PCDHGA12: variants seen among roughly 807,000 people sequenced by gnomAD.
PCDHGA12 encodes protocadherin gamma subfamily A, 12.
PCDHGA12 carries 43 observed loss-of-function variants against 61.1 expected under a neutral mutation model. The observed-to-expected ratio is 0.70, with a 90% confidence interval of 0.55 to 0.91. PCDHGA12 has a LOEUF of 0.91. Among genes scored for constraint, PCDHGA12 ranks in the 40% least tolerant of loss-of-function variants. PCDHGA12 has a pLI of 0.00. For synonymous variants in PCDHGA12, 520 were observed against 542.9 expected (o/e 0.96, Z 0.59); for missense variants, 1,236 against 1,227.7 (o/e 1.01, Z -0.10).
Position 141,477,197 on chromosome 5 carries a change from G to C in PCDHGA12, c.2425-17610G>C, listed in dbSNP as rs781504885. 6.2e-7 allele frequency: 1 copy of C among 1,614,210 alleles called. No homozygotes were observed. Among genetic ancestry groups the C allele is most frequent in the South Asian group, 1.1e-5 (1 of 91,082 alleles). On this transcript the variant is annotated intron_variant, in intron 1 of 3. Transcript: ENST00000252085. The surrounding 1 kb of genome is among the most constrained non-coding windows in gnomAD (Gnocchi z 4.9). ...CACAGTCACCTCCGTGTACAGCCCA[G>C]TACCCGAGGATGCCCCTCTGGGGAC...
At chr5:141,438,741 A>T (rs1184994731) in intron 1 of PCDHGA12, among the ~76,000 whole-genome samples, 3 of 148,914 alleles carry the variant, frequency 2.0e-5, no homozygotes, top group South Asian at 2.1e-4. Context: ...AGCTCACTGC[A>T]ACCTCTGCCT....
rs2099694486 is a variant in PCDHGA12 at position 141,489,987 on chromosome 5, G to A, written c.2425-4820G>A. The A allele has an allele frequency of 1.2e-6, 2 of 1,614,106 alleles. No homozygotes were observed. The highest frequency in any genetic ancestry group is 1.3e-5 in the African/African-American group (1 of 74,932). The stretch of plus-strand genomic sequence containing the variant: ...CCTTCCAATCCTCAGTTCTACGTGT[G>A]GGAATCCCAGAGAATGCACCCATTG... On this transcript the variant is annotated intron_variant, in intron 1 of 3. Coordinates refer to ENST00000252085, the MANE Select transcript of PCDHGA12 (RefSeq NM_003735.3). The surrounding 1 kb of genome is among the most constrained non-coding windows in gnomAD (Gnocchi z 4.5).
chr5:141,431,150 CCTTA>C lies in PCDHGA12; in HGVS notation c.395_398del (p.Tyr132PhefsTer6), dbSNP rs1302288904. ...AGTAAGGGACATTAACGACAATGCG[CCTTA>C]CTTTCGTGAAAGTGAATTAGAAATA... On this transcript the variant is annotated frameshift_variant, in exon 1 of 4. Coordinates refer to ENST00000252085, the MANE Select transcript of PCDHGA12 (RefSeq NM_003735.3). LOFTEE classifies it high-confidence loss of function. The surrounding 1 kb of genome is among the most constrained non-coding windows in gnomAD (Gnocchi z 4.8). 3 of 1,614,226 alleles carry C rather than the reference CCTTA, an allele frequency of 1.9e-6. No individual in the cohort carries two copies. The highest frequency in any genetic ancestry group is 2.2e-5 in the East Asian group (1 of 44,876).
At chr5:141,505,323 G>C in intron 2 of PCDHGA12, 70 bp from the exon 3 acceptor site, 1 of 1,606,758 alleles carries the variant, frequency 6.2e-7, no homozygotes, top group South Asian at 1.1e-5. Flanking sequence ...GGGAGCCCTG[G>C]GAGAGGACAG....
At chr5:141,496,799 G>C (rs2099771487) in intron 2 of PCDHGA12, among the ~76,000 whole-genome samples, 1 of 151,912 alleles carries the variant, frequency 6.6e-6, no homozygotes, top group African/African-American at 2.4e-5. Context: ...TAAACATTGG[G>C]CTATAGGAGT....
chr5:141,431,053 G>A lies in PCDHGA12; in HGVS notation c.294G>A (p.Gly98=), dbSNP rs1208370015. Residue 98 remains glycine (G), a synonymous_variant, in exon 1 of 4, where the codon GGG becomes GGA. Coordinates refer to ENST00000252085, the MANE Select transcript of PCDHGA12 (RefSeq NM_003735.3). This position sits in a 1 kb window ranked among gnomAD's most constrained non-coding sequence, Gnocchi z 4.8. ...TAGACCGGGAGGAGCTCTGTATGGG[G>A]GCCATCAAGTGTCAATTAAATCTAG... ...GRIDREELCM[G]AIKCQLNLDI... 1 of 1,614,174 alleles carries A rather than the reference G, an allele frequency of 6.2e-7. No homozygotes were observed. Among genetic ancestry groups the A allele is most frequent in the Admixed American group, 1.7e-5 (1 of 60,030 alleles).
intron 1 of PCDHGA12, among the ~76,000 whole-genome samples, chr5:141,454,829 A>T (rs2098803417): frequency 1.4e-5 from 1 of 70,192 alleles, no homozygotes. Context: ...TTTTTTTGAG[A>T]CAGAGTCGCG....
At chr5:141,441,962 G>A in intron 1 of PCDHGA12, 1 of 313,768 alleles carries the variant, frequency 3.2e-6, no homozygotes, top group Admixed American at 4.1e-5. Context: ...AGCAAGCCCA[G>A]GCTCTTCAGC....
At chr5:141,442,837 A>C (rs2098346617) in intron 1 of PCDHGA12, among the ~76,000 whole-genome samples, 1 of 152,202 alleles carries the variant, frequency 6.6e-6, no homozygotes, top group South Asian at 2.1e-4. Flanking sequence ...GGGAGGGACA[A>C]ATCTTGGCCA....
chr5:141,476,926 T>G lies in PCDHGA12; in HGVS notation c.2425-17881T>G, dbSNP rs779017502. ...GCGTGGTACAAGTCCTTGCAACGGA[T>G]CTGGATGAAGGCCCCAACGGTGAAA... is the stretch of plus-strand genomic sequence containing the variant. On this transcript the variant is annotated intron_variant, in intron 1 of 3. Coordinates refer to ENST00000252085, the MANE Select transcript of PCDHGA12 (RefSeq NM_003735.3). The surrounding 1 kb of genome is among the most constrained non-coding windows in gnomAD (Gnocchi z 7.6). 1 of 1,614,072 alleles carries G rather than the reference T, an allele frequency of 6.2e-7. No homozygotes were observed. The highest frequency in any genetic ancestry group is 1.1e-5 in the South Asian group (1 of 91,092).
intron 1 of PCDHGA12, among the ~76,000 whole-genome samples, chr5:141,474,000 C>T (rs2099336161): frequency 6.6e-6 from 1 of 152,076 alleles, no homozygotes. Context: ...GCCCAAGGAG[C>T]TGGAAGTTAC....
chr5:141,481,200 T>A (rs977235584), intron 1 of PCDHGA12, among the ~76,000 whole-genome samples: 2 of 152,178 alleles, frequency 1.3e-5, no homozygotes, highest in Non-Finnish European at 2.9e-5. Flanking sequence ...CCAATTTTTT[T>A]AAAAAACATG....
chr5:141,433,643 C>A (rs899772934), intron 1 of PCDHGA12, among the ~76,000 whole-genome samples: 13 of 152,070 alleles, frequency 8.5e-5, no homozygotes, highest in African/African-American at 2.7e-4. Context: ...TGAGACCAGC[C>A]TGACCAACAT....
chr5:141,486,844 C>T lies in PCDHGA12; in HGVS notation c.2425-7963C>T, dbSNP rs150549306. The T allele has an allele frequency of 1.1e-5, 17 of 1,614,220 alleles. No homozygotes were observed. The highest frequency in any genetic ancestry group is 1.4e-5 in the Non-Finnish European group (16 of 1,180,026). ...TAACAGTTCGTCTATTTGTGCTGGACCTCAATGACAATGCTCCAGCTGTGC... is the reference window on the plus strand; with the variant it reads ...TAACAGTTCGTCTATTTGTGCTGGATCTCAATGACAATGCTCCAGCTGTGC... On this transcript the variant is annotated intron_variant, in intron 1 of 3. Transcript: ENST00000252085. The surrounding 1 kb of genome is among the most constrained non-coding windows in gnomAD (Gnocchi z 5.0).
chr5:141,475,297 T>C lies in PCDHGA12; in HGVS notation c.2425-19510T>C, dbSNP rs187277570. Among the ~76,000 whole-genome samples the C allele has an allele frequency of 6.5e-4, 99 of 152,360 alleles. 2 individuals are homozygous for C. Among genetic ancestry groups the C allele is most frequent in the African/African-American group, 2.3e-3 (96 of 41,586 alleles). ...TGAAAGACAGGGTAGGGAAATTTCT[T>C]ATTGCTCCCTGGTTCTTAAGAAATG... On this transcript the variant is annotated intron_variant, in intron 1 of 3. Transcript: ENST00000252085.
chr5:141,486,760 G>C lies in PCDHGA12; in HGVS notation c.2425-8047G>C. ...GATCCTTTGACTATGAGCAAACCCAGACACTGCAGTTTGAGGTGCAGGCCC... is the reference window on the plus strand; with the variant it reads ...GATCCTTTGACTATGAGCAAACCCACACACTGCAGTTTGAGGTGCAGGCCC... On this transcript the variant is annotated intron_variant, in intron 1 of 3. Transcript: ENST00000252085. This position sits in a 1 kb window ranked among gnomAD's most constrained non-coding sequence, Gnocchi z 5.0. 1.2e-6 allele frequency: 2 copies of C among 1,614,240 alleles called. No homozygotes were observed. The highest frequency in any genetic ancestry group is 2.2e-5 in the South Asian group (2 of 91,086).
chr5:141,511,276 T>A lies in PCDHGA12; in HGVS notation c.*103T>A. ...AGAGTTTCAGGGCTAACCCCCAGAA[T>A]ACTGGTAGGGGCCAAGGCCATGCTC... On this transcript the variant is annotated 3_prime_UTR_variant, in exon 4 of 4. Coordinates refer to ENST00000252085, the MANE Select transcript of PCDHGA12 (RefSeq NM_003735.3). 6.5e-7 allele frequency: 1 copy of A among 1,538,086 alleles called. No homozygotes were observed. Among genetic ancestry groups the A allele is most frequent in the Non-Finnish European group, 8.8e-7 (1 of 1,140,722 alleles).
chr5:141,487,590 C>G lies in PCDHGA12; in HGVS notation c.2425-7217C>G. 1 of 1,614,160 alleles carries G rather than the reference C, an allele frequency of 6.2e-7. No homozygotes were observed. Among genetic ancestry groups the G allele is most frequent in the Non-Finnish European group, 8.5e-7 (1 of 1,180,040 alleles). ...GAGCCTGTTCGCCCAAGCTGCCCACCCTCTGATCTTCTCTATGGGCTAGAG... is the reference window on the plus strand; with the variant it reads ...GAGCCTGTTCGCCCAAGCTGCCCACGCTCTGATCTTCTCTATGGGCTAGAG... On this transcript the variant is annotated intron_variant, in intron 1 of 3. Transcript: ENST00000252085. The surrounding 1 kb of genome is among the most constrained non-coding windows in gnomAD (Gnocchi z 5.0).
intron 1 of PCDHGA12, among the ~76,000 whole-genome samples, chr5:141,444,256 C>T (rs1445343718): frequency 2.1e-5 from 3 of 146,298 alleles, no homozygotes; most frequent in African/African-American, 5.1e-5. Context: ...ACTGCAACCT[C>T]CGCCTCCCAG....
Sources: gnomAD v4.1 joint callset for allele counts (sites outside exome capture counted in the v4.1 genomes callset) on GRCh38, gnomAD v4.1.1 for gene constraint, Gnocchi (gnomAD v3.1) non-coding constraint, MANE v1.5 for transcripts, NCBI Gene and HGNC (gene_info 2026-07-23, HGNC 2026-07-21) for gene names.